Variants in ZBTB4 observed in about 807,000 individuals in gnomAD.
ZBTB4 encodes the protein zinc finger and BTB domain-containing protein 4.
Under a neutral mutation model 59.8 loss-of-function variants are expected in ZBTB4, and 14 were observed. That is an observed-to-expected ratio of 0.23 (90% CI 0.15 to 0.37). ZBTB4 has a LOEUF of 0.37. ZBTB4 is among the 10% of genes least tolerant of loss of function. ZBTB4 has a pLI of 1.00. For missense variants in ZBTB4, 1,198 were observed against 1,380.8 expected, an observed-to-expected ratio of 0.87 and a Z score of 2.10; for synonymous variants, 587 against 575.2, an observed-to-expected ratio of 1.02 and a Z score of -0.29.
chr17:7,473,390 C>T (rs2070226782), intron 1 of ZBTB4, among the ~76,000 whole-genome samples: 1 of 151,984 alleles, frequency 6.6e-6, no homozygotes. Flanking sequence ...GCAGGGATTA[C>T]AGGCATGAGC....
intron 3 of ZBTB4, among the ~76,000 whole-genome samples, chr17:7,464,813 G>A (rs2070089427): frequency 6.6e-6 from 1 of 150,802 alleles, no homozygotes; most frequent in Non-Finnish European, 1.5e-5. Flanking sequence ...ACTCCAGCCT[G>A]GGGGACAGAG....
chr17:7,480,792 A>G (rs1232243048), upstream of ZBTB4, among the ~76,000 whole-genome samples: 2 of 152,150 alleles, frequency 1.3e-5, no homozygotes, highest in African/African-American at 4.8e-5. Flanking sequence ...ATGTAAAGCC[A>G]CAGAGCTAGC....
intron 1 of ZBTB4, among the ~76,000 whole-genome samples, chr17:7,473,406 C>T (rs372350912): frequency 2.0e-4 from 30 of 152,070 alleles, no homozygotes; most frequent in East Asian, 3.9e-4. Flanking sequence ...TGAGCCACCG[C>T]GCCTGGCCAG....
intron 3 of ZBTB4, among the ~76,000 whole-genome samples, chr17:7,464,307 G>A (rs1165297906): frequency 6.6e-6 from 1 of 151,688 alleles, no homozygotes; most frequent in Admixed American, 6.6e-5. Flanking sequence ...CAGCAAGCCA[G>A]GACATGGCAC....
Position 7,466,346 on chromosome 17 carries a change from A to G in ZBTB4, c.456T>C (p.Gly152=). ...FIYSARLALP[G]GGGDGAAVAE... is the part of the protein sequence containing the mutation. Reference sequence around the variant, plus strand: ...CTACAGCTGCCCCGTCCCCTCCACCACCAGGCAGTGCGAGCCGGGCGCTGT... The same window carrying G: ...CTACAGCTGCCCCGTCCCCTCCACCGCCAGGCAGTGCGAGCCGGGCGCTGT... Residue 152 remains glycine, a synonymous_variant, in exon 3 of 4, where the codon GGT becomes GGC. Coordinates refer to ENST00000380599, the MANE Select transcript of ZBTB4 (RefSeq NM_001128833.2). The surrounding 1 kb of genome is among the most constrained non-coding windows in gnomAD (Gnocchi z 9.1). 6.2e-7 allele frequency: 1 copy of G among 1,613,972 alleles called. No homozygotes were observed. The highest frequency in any genetic ancestry group is 8.5e-7 in the Non-Finnish European group (1 of 1,179,996).
rs2070018122 is a variant in ZBTB4 at position 7,461,398 on chromosome 17, C to T, written c.*542G>A. 1 of 152,856 alleles carries T rather than the reference C, an allele frequency of 6.5e-6. No homozygotes were observed. Among genetic ancestry groups the T allele is most frequent in the African/African-American group, 2.4e-5 (1 of 41,434 alleles). 9.5% of individuals were successfully genotyped at this position (152,856 alleles called of 1,614,324 possible). A position where few individuals can be genotyped will look rare whatever the true frequency, so the allele number is the denominator to read the frequency against. On this transcript the variant is annotated 3_prime_UTR_variant, in exon 4 of 4. Transcript: ENST00000380599. ...CAAGGGAAACAGGGACGTAGAGACC[C>T]ACGCTGGGGAAGGATGAAACCCAAA...
Position 7,466,797 on chromosome 17 carries a change from G to A in ZBTB4, c.5C>T (p.Pro2Leu). The A allele has an allele frequency of 6.4e-7, 1 of 1,561,760 alleles. No individual in the cohort carries two copies. The highest frequency in any genetic ancestry group is 1.2e-5 in the South Asian group (1 of 85,020). M[P>L]PPAEVTDPSH... ...CGGGTCCGTCACCTCTGCAGGGGGG[G>A]GCATGGTGCCAGCCTAGACAGTGGG... Residue 2 changes from proline (P) to leucine (L), a missense_variant, in exon 3 of 4, where the codon CCC (proline) becomes CTC (leucine). Around this residue, in one of 9 missense-constraint regions of ZBTB4, gnomAD observed 44 missense variants for 86.2 expected, o/e 0.51. Transcript: ENST00000380599. The surrounding 1 kb of genome is among the most constrained non-coding windows in gnomAD (Gnocchi z 9.1).
In ZBTB4 at chr17:7,462,914, G is replaced by A. The variant is rs374825213; in HGVS notation, c.2068C>T (p.Pro690Ser). Reference sequence around the variant, plus strand: ...CAACGTGGTGGCCGGCGGCCTCGGGGCAGCCCACTGCCCCCCACACTGGCA... The same window carrying A: ...CAACGTGGTGGCCGGCGGCCTCGGGACAGCCCACTGCCCCCCACACTGGCA... ...GGASVGGSGL[P>S]RGRRPPRWRQ... Residue 690 changes from proline (P) to serine (S), a missense_variant, in exon 4 of 4, where the codon CCC (proline) becomes TCC (serine). Around this residue, in one of 9 missense-constraint regions of ZBTB4, gnomAD observed 550 missense variants for 541.8 expected, o/e 1.02. Transcript: ENST00000380599. This position sits in a 1 kb window ranked among gnomAD's most constrained non-coding sequence, Gnocchi z 7.5. The A allele has an allele frequency of 3.1e-6, 5 of 1,609,052 alleles. No homozygotes were observed. In the Admixed American group the frequency reaches 5.0e-5, roughly 16 times the overall value.
chr17:7,482,004 A>G, upstream of ZBTB4: 2 of 1,600,822 alleles, frequency 1.2e-6, no homozygotes, highest in Non-Finnish European at 1.7e-6. Context: ...AGTCACCCCT[A>G]CTTGAACCCG....
chr17:7,482,441 G>A (rs776765156), upstream of ZBTB4: 1 of 1,613,988 alleles, frequency 6.2e-7, no homozygotes, highest in Middle Eastern at 1.7e-4. Flanking sequence ...TGAGAGCCAG[G>A]GTCTCAGTGG....
chr17:7,466,929 A>T lies in ZBTB4; in HGVS notation c.-9-119T>A. The T allele has an allele frequency of 7.0e-7, 1 of 1,424,346 alleles. No individual in the cohort carries two copies. Among genetic ancestry groups the T allele is most frequent in the Non-Finnish European group, 9.2e-7 (1 of 1,089,706 alleles). 88.2% of individuals were successfully genotyped at this position (1,424,346 alleles called of 1,614,324 possible). A position where few individuals can be genotyped will look rare whatever the true frequency, so the allele number is the denominator to read the frequency against. On this transcript the variant is annotated intron_variant, in intron 2 of 3. Coordinates refer to ENST00000380599, the MANE Select transcript of ZBTB4 (RefSeq NM_001128833.2). This position sits in a 1 kb window ranked among gnomAD's most constrained non-coding sequence, Gnocchi z 9.1. ...TGGTCAGAAACTAGTGGAAGGCTGA[A>T]TCACTTCTGGTCACAGAAGTCAGGG...
At chr17:7,476,277 C>T (rs1490385109) in intron 1 of ZBTB4, among the ~76,000 whole-genome samples, 3 of 152,208 alleles carry the variant, frequency 2.0e-5, no homozygotes, top group African/African-American at 7.2e-5. Flanking sequence ...AATTCTTCTA[C>T]CAGGCAGTCA....
Position 7,460,644 on chromosome 17 carries a change from T to C in ZBTB4, c.*1296A>G, listed in dbSNP as rs2070007755. The C allele has an allele frequency of 6.6e-6, 1 of 152,556 alleles. No homozygotes were observed. The highest frequency in any genetic ancestry group is 1.5e-5 in the Non-Finnish European group (1 of 68,022). The allele number at this position is 152,556 out of a possible 1,614,324, so 9.5% of individuals were successfully genotyped here. The stretch of plus-strand genomic sequence containing the variant: ...TCAAAGAGAATTAGGAGCAAACATT[T>C]ATCTCCCCCACTGGAAGGAAATACA... On this transcript the variant is annotated 3_prime_UTR_variant, in exon 4 of 4. Transcript: ENST00000380599.
upstream of ZBTB4, chr17:7,483,229 A>G (rs1263623004): frequency 1.2e-6 from 1 of 825,870 alleles, no homozygotes; most frequent in Non-Finnish European, 1.8e-6. Flanking sequence ...GAATCAGGGC[A>G]TAACTAAGGG....
chr17:7,463,180 A>G lies in ZBTB4; in HGVS notation c.1802T>C (p.Leu601Pro). ...CCCTATTCGCACAGTGATCTGACAC[A>G]GTGGAGGTGGAGCCTGCAGCTGAGA... is the stretch of plus-strand genomic sequence containing the variant. Reference protein sequence around the residue: ...GPSQLQAPPPLCQITVRIGEE... With the variant: ...GPSQLQAPPPPCQITVRIGEE... The change falls in exon 4 of 4, where the codon CTG becomes CCG. Residue 601 changes from leucine to proline, a missense_variant. By Grantham distance (98) the Leu-to-Pro change is moderately conservative. Coordinates refer to ENST00000380599, the MANE Select transcript of ZBTB4 (RefSeq NM_001128833.2). 1 of 1,607,524 alleles carries G rather than the reference A, an allele frequency of 6.2e-7. No homozygotes were observed.
chr17:7,481,365 A>T, upstream of ZBTB4: 1 of 1,172,870 alleles, frequency 8.5e-7, no homozygotes. Flanking sequence ...GAAAAGAAGC[A>T]GAGTTGGACT....
At chr17:7,482,498 A>G, upstream of ZBTB4, 1 of 1,613,674 alleles carries the variant, frequency 6.2e-7, no homozygotes, top group Non-Finnish European at 8.5e-7. Flanking sequence ...ACTAATCATC[A>G]TTGTGGGACC....
In ZBTB4 at chr17:7,462,034, G is replaced by A; in HGVS notation, c.2948C>T (p.Thr983Ile). 6.2e-7 allele frequency: 1 copy of A among 1,603,016 alleles called. No homozygotes were observed. Residue 983 changes from threonine (T) to isoleucine (I), a missense_variant, in exon 4 of 4, where the codon ACA becomes ATA. This residue lies in a region of ZBTB4 where 211 missense variants were observed against 236.1 expected (regional missense o/e 0.89). Coordinates refer to ENST00000380599, the MANE Select transcript of ZBTB4 (RefSeq NM_001128833.2). The surrounding 1 kb of genome is among the most constrained non-coding windows in gnomAD (Gnocchi z 7.5). ...TGGAGGAAGAGTTGGGGGAGGTGGT[G>A]TTGGTGGGGCAGGGGGTGCTGCTTG... ...NPQAAPPAPP[T>I]PPPPTLPPPI...
intron 1 of ZBTB4, among the ~76,000 whole-genome samples, chr17:7,475,409 C>T (rs1373970313): frequency 6.6e-6 from 1 of 152,104 alleles, no homozygotes; most frequent in African/African-American, 2.4e-5. Flanking sequence ...GCCTCATACT[C>T]TTCTTGGGGC....
Sources: allele counts gnomAD v4.1 joint callset (sites outside exome capture counted in the v4.1 genomes callset), GRCh38; gene constraint gnomAD v4.1.1; regional missense constraint gnomAD v4.1.1; non-coding constraint Gnocchi (gnomAD v3.1); transcripts MANE v1.5; gene names NCBI Gene and HGNC (gene_info 2026-07-23, HGNC 2026-07-21).